PPARGC1A: variants seen among roughly 807,000 people sequenced by gnomAD.
PPARGC1A encodes peroxisome proliferator-activated receptor gamma coactivator 1-alpha.
Under a neutral mutation model 88.7 loss-of-function variants are expected in PPARGC1A, and 25 were observed. The ratio of observed to expected loss-of-function variants is 0.28; its 90% CI spans 0.21 to 0.39. The LOEUF (loss-of-function observed/expected upper bound fraction) is 0.39, where lower values mean the gene tolerates loss of function less well. Ranked by LOEUF, PPARGC1A falls within the 10% of genes least tolerant of loss-of-function variation. The pLI is 1.00. For missense variants in PPARGC1A, 880 were observed against 968.7 expected (o/e 0.91, Z 1.22); for synonymous variants, 363 against 355.6 (o/e 1.02, Z -0.24).
rs1183805317 is a variant in PPARGC1A at position 23,863,273 on chromosome 4, G to C, written c.234+21479C>G. On this transcript the variant is annotated intron_variant, in intron 2 of 12. Coordinates refer to ENST00000264867, the MANE Select transcript of PPARGC1A (RefSeq NM_013261.5). ...CCAGGCCCCTGGTTGCAAGCTCTAA[G>C]ATAACCTTTCTTCGCTGATGCCACC... Among the ~76,000 whole-genome samples the C allele has an allele frequency of 2.6e-5, 4 of 152,088 alleles. No individual in the cohort carries two copies. In the East Asian group the frequency reaches 7.7e-4, roughly 29 times the overall value.
At chr4:24,291,568 G>A in the PPARGC1A span, among the ~76,000 whole-genome samples, 2 of 152,100 alleles carry the variant, frequency 1.3e-5, no homozygotes, top group African/African-American at 4.8e-5. Flanking sequence ...TTATCCTCAA[G>A]TATGGGAACA....
chr4:24,216,059 A>G, the PPARGC1A span, among the ~76,000 whole-genome samples: 1 of 152,032 alleles, frequency 6.6e-6, no homozygotes. Context: ...ATTTGACACA[A>G]GTATTATTTA....
At chr4:24,199,315 T>G in the PPARGC1A span, among the ~76,000 whole-genome samples, 1 of 152,188 alleles carries the variant, frequency 6.6e-6, no homozygotes, top group Non-Finnish European at 1.5e-5. Flanking sequence ...AACCTGAACT[T>G]GGTACATGTC....
At chr4:24,240,539 C>CA in the PPARGC1A span, among the ~76,000 whole-genome samples, 1 of 152,096 alleles carries the variant, frequency 6.6e-6, no homozygotes, top group Admixed American at 6.5e-5. Context: ...ATTAAACTAC[C>CA]AAAAATTCAC....
the PPARGC1A span, among the ~76,000 whole-genome samples, chr4:24,314,594 A>G: frequency 8.5e-5 from 13 of 152,218 alleles, no homozygotes; most frequent in Non-Finnish European, 1.5e-4. Flanking sequence ...GGACTAAGAC[A>G]ATCTATTTCT....
At chr4:24,050,287 C>T in the PPARGC1A span, among the ~76,000 whole-genome samples, 1 of 148,702 alleles carries the variant, frequency 6.7e-6, no homozygotes, top group South Asian at 2.1e-4. Flanking sequence ...CCTCTGCCTC[C>T]CAGGTTCAAG....
chr4:24,106,219 A>G, the PPARGC1A span, among the ~76,000 whole-genome samples: 22 of 152,154 alleles, frequency 1.4e-4, no homozygotes, highest in Non-Finnish European at 3.1e-4. Flanking sequence ...GAAAGAGGCA[A>G]ACCGAAAGAT....
the PPARGC1A span, among the ~76,000 whole-genome samples, chr4:24,158,324 A>C: frequency 4.6e-5 from 7 of 152,086 alleles, no homozygotes; most frequent in South Asian, 1.5e-3. Context: ...GCCAACCAAA[A>C]TATTATTTTC....
the PPARGC1A span, among the ~76,000 whole-genome samples, chr4:24,222,936 C>T: frequency 6.6e-6 from 1 of 152,142 alleles, no homozygotes; most frequent in Admixed American, 6.5e-5. Flanking sequence ...CATCTTCATA[C>T]ATAAAAATTA....
At chr4:24,204,725 C>T in the PPARGC1A span, among the ~76,000 whole-genome samples, 1 of 152,036 alleles carries the variant, frequency 6.6e-6, no homozygotes, top group Non-Finnish European at 1.5e-5. Context: ...CTCTGTGTAC[C>T]ATATTAGTTG....
the PPARGC1A span, among the ~76,000 whole-genome samples, chr4:24,091,897 T>C: frequency 6.7e-6 from 1 of 148,782 alleles, no homozygotes; most frequent in East Asian, 2.0e-4. Context: ...TATGCATTTC[T>C]ATGTGTGCTC....
the PPARGC1A span, among the ~76,000 whole-genome samples, chr4:24,113,122 T>C: frequency 6.6e-6 from 1 of 152,210 alleles, no homozygotes; most frequent in Non-Finnish European, 1.5e-5. Context: ...CTTGGGCATA[T>C]ATATAATTTC....
chr4:23,912,858 T>G, the PPARGC1A span, among the ~76,000 whole-genome samples: 1 of 151,368 alleles, frequency 6.6e-6, no homozygotes, highest in Admixed American at 6.6e-5. Flanking sequence ...GCGGGATCTC[T>G]GCTCACTACA....
At chr4:24,197,833 T>A in the PPARGC1A span, among the ~76,000 whole-genome samples, 394 of 152,304 alleles carry the variant, frequency 2.6e-3, 2 homozygotes, top group African/African-American at 8.9e-3. Flanking sequence ...TTAGCTAACA[T>A]CCCTTTTAGC....
the PPARGC1A span, among the ~76,000 whole-genome samples, chr4:24,374,051 A>G: frequency 6.6e-6 from 1 of 152,204 alleles, no homozygotes; most frequent in Non-Finnish European, 1.5e-5. Context: ...AATACATGAA[A>G]CCTCATACAG....
upstream of PPARGC1A, among the ~76,000 whole-genome samples, chr4:23,891,819 T>G (rs908759133): frequency 6.6e-6 from 1 of 152,236 alleles, no homozygotes; most frequent in Non-Finnish European, 1.5e-5. Context: ...GGAATGCTTT[T>G]ATACAAGCAA....
chr4:23,933,597 C>G, the PPARGC1A span, among the ~76,000 whole-genome samples: 1 of 152,212 alleles, frequency 6.6e-6, no homozygotes, highest in Admixed American at 6.5e-5. Context: ...AAATAGCCTA[C>G]TGGCCCAGCA....
At chr4:24,146,535 T>C in the PPARGC1A span, among the ~76,000 whole-genome samples, 2 of 152,216 alleles carry the variant, frequency 1.3e-5, no homozygotes, top group Non-Finnish European at 2.9e-5. Flanking sequence ...GTCTGCTGAC[T>C]AGGGAGGCAC....
chr4:24,010,804 T>C, the PPARGC1A span, among the ~76,000 whole-genome samples: 1 of 152,164 alleles, frequency 6.6e-6, no homozygotes, highest in African/African-American at 2.4e-5. Context: ...CTGTAATATT[T>C]GCTTAAGAGG....
Sources: allele counts gnomAD v4.1 joint callset (sites outside exome capture counted in the v4.1 genomes callset), GRCh38; gene constraint gnomAD v4.1.1; transcripts MANE v1.5; gene names NCBI Gene and HGNC (gene_info 2026-07-23, HGNC 2026-07-21).